Variants in ZPBP observed in about 807,000 individuals in gnomAD.
The protein encoded by ZPBP is zona pellucida-binding protein 1.
A neutral mutation model predicts 44.8 loss-of-function variants in ZPBP; 26 were observed. That is an observed-to-expected ratio of 0.58 (90% CI 0.43 to 0.81). ZPBP has a LOEUF of 0.81. ZPBP is among the 30% of genes least tolerant of loss of function. The pLI, the probability that ZPBP is intolerant of heterozygous loss-of-function variation, is 0.00. For synonymous variants in ZPBP, 174 were observed against 153.2 expected (o/e 1.14, Z -1.00); for missense variants, 409 against 434.0 (o/e 0.94, Z 0.51).
chr7:49,912,432 C>G (rs1337356720), intron 1 of ZPBP: 3 of 394,204 alleles, frequency 7.6e-6, no homozygotes, highest in Non-Finnish European at 1.4e-5. Context: ...ACAGTAAGTA[C>G]ACAAAAGTAC....
chr7:50,012,880 C>T (rs1371644704), intron 6 of ZPBP, among the ~76,000 whole-genome samples: 1 of 148,362 alleles, frequency 6.7e-6, no homozygotes, highest in Non-Finnish European at 1.5e-5. Context: ...TGATAGATTA[C>T]ATAGAAAATC....
chr7:49,877,507 T>TATAGATATATATAG (rs1791485192), intron 2 of ZPBP, among the ~76,000 whole-genome samples: 1 of 90,318 alleles, frequency 1.1e-5, no homozygotes, highest in Non-Finnish European at 2.3e-5. Flanking sequence ...TATATATATA[T>TATAGATATATATAG]ATATATATAT....
At chr7:49,963,047 G>A (rs1032058675) in intron 7 of ZPBP, among the ~76,000 whole-genome samples, 37 of 151,466 alleles carry the variant, frequency 2.4e-4, no homozygotes, top group Non-Finnish European at 1.5e-4. Context: ...AAAGATACAG[G>A]AAAGGATTTG....
intron 5 of ZPBP, among the ~76,000 whole-genome samples, chr7:50,023,424 T>C (rs929834891): frequency 6.6e-6 from 1 of 151,826 alleles, no homozygotes; most frequent in Non-Finnish European, 1.5e-5. Flanking sequence ...TCAAAGACCA[T>C]AGGAAAGACA....
intron 3 of ZPBP, among the ~76,000 whole-genome samples, chr7:50,080,216 G>C: frequency 6.6e-6 from 1 of 151,608 alleles, no homozygotes; most frequent in Admixed American, 6.6e-5. Flanking sequence ...GAAATAAAAA[G>C]TATAGTGTTC....
chr7:49,978,739 TTAAC>T (rs1412593067), intron 7 of ZPBP, among the ~76,000 whole-genome samples: 1 of 152,070 alleles, frequency 6.6e-6, no homozygotes, highest in Non-Finnish European at 1.5e-5. Flanking sequence ...ATTTTGTCTT[TTAAC>T]TAGTGTTATC....
At chr7:49,947,527 T>C (rs916473096) in intron 7 of ZPBP, among the ~76,000 whole-genome samples, 6 of 152,212 alleles carry the variant, frequency 3.9e-5, no homozygotes, top group African/African-American at 1.4e-4. Context: ...AGGCAGAGAC[T>C]CTTGTTCTCT....
intron 7 of ZPBP, chr7:49,944,167 T>A (rs1388572776): frequency 3.3e-6 from 1 of 300,018 alleles, no homozygotes; most frequent in Non-Finnish European, 6.6e-6. Flanking sequence ...GTTTTTGTAA[T>A]CATGACTGCT....
chr7:50,070,729 G>T (rs1801794062), intron 3 of ZPBP, among the ~76,000 whole-genome samples: 1 of 152,206 alleles, frequency 6.6e-6, no homozygotes, highest in South Asian at 2.1e-4. Context: ...GCATTTTGTG[G>T]GGTGGGGGAG....
rs375191635 is a variant in ZPBP at position 49,951,741 on chromosome 7, CA to C, written c.962-14120del. On this transcript the variant is annotated intron_variant, in intron 7 of 7. Transcript: ENST00000046087. ...TGTAATTCCACTCTTGGTATGTACC[CA>C]AAAGAACTCTAAATGGGCACTTAAG... Among the ~76,000 whole-genome samples the C allele has an allele frequency of 1.5e-3, 231 of 151,262 alleles. 3 individuals are homozygous for C. The highest frequency in any genetic ancestry group is 5.4e-3 in the African/African-American group (222 of 41,340).
intron 2 of ZPBP, among the ~76,000 whole-genome samples, chr7:49,897,499 A>T (rs1299184698): frequency 1.3e-5 from 2 of 152,214 alleles, no homozygotes; most frequent in Non-Finnish European, 2.9e-5. Context: ...TCAAACACTG[A>T]TCAATAGAGT....
chr7:49,873,218 A>G (rs929782609), intron 2 of ZPBP, among the ~76,000 whole-genome samples: 23 of 152,218 alleles, frequency 1.5e-4, no homozygotes, highest in African/African-American at 5.5e-4. Flanking sequence ...GATGAAATGT[A>G]GACAACAGAC....
At chr7:50,048,335 G>T (rs1800492346) in intron 4 of ZPBP, among the ~76,000 whole-genome samples, 1 of 151,982 alleles carries the variant, frequency 6.6e-6, no homozygotes, top group South Asian at 2.1e-4. Context: ...GATCAACAAA[G>T]AAATAGAAGA....
intron 1 of ZPBP, chr7:49,916,703 A>G (rs1053282625): frequency 1.3e-5 from 2 of 152,186 alleles, no homozygotes; most frequent in African/African-American, 2.4e-5. Context: ...GTTATTTGCT[A>G]TTCTTGTTTA....
chr7:50,031,137 T>C lies in ZPBP; in HGVS notation c.661A>G (p.Met221Val), dbSNP rs931343939. 1.9e-6 allele frequency: 3 copies of C among 1,613,682 alleles called. No homozygotes were observed. Among genetic ancestry groups the C allele is most frequent in the Non-Finnish European group, 2.5e-6 (3 of 1,179,862 alleles). The change falls in exon 5 of 8, where the codon ATG (methionine) becomes GTG (valine). Residue 221 changes from methionine to valine, a missense_variant. Physicochemically the swap from Met to Val is conservative, Grantham distance 21. Around this residue, in one of 2 missense-constraint regions of ZPBP, gnomAD observed 367 missense variants for 363.1 expected, o/e 1.01. Coordinates refer to ENST00000046087, the MANE Select transcript of ZPBP (RefSeq NM_007009.3). ...LLKSECHRVKMQRAGLQNELF... is the reference protein window; with the variant it reads ...LLKSECHRVKVQRAGLQNELF... ...TCATTTTGCAAACCAGCTCTTTGCATTTTAACGCGATGGCATTCAGACTTA... is the reference window on the plus strand; with the variant it reads ...TCATTTTGCAAACCAGCTCTTTGCACTTTAACGCGATGGCATTCAGACTTA...
intron 7 of ZPBP, among the ~76,000 whole-genome samples, chr7:49,959,781 GA>G (rs199770647): frequency 6.6e-6 from 1 of 151,890 alleles, no homozygotes; most frequent in Non-Finnish European, 1.5e-5. Flanking sequence ...AAAAAACAGG[GA>G]AAAAAGCAAT....
At chr7:50,014,437 T>A (rs1427740628) in intron 6 of ZPBP, among the ~76,000 whole-genome samples, 1 of 151,360 alleles carries the variant, frequency 6.6e-6, no homozygotes, top group Non-Finnish European at 1.5e-5. Context: ...TATATTTATT[T>A]ATCATTTTTT....
intron 6 of ZPBP, among the ~76,000 whole-genome samples, chr7:49,989,528 C>G (rs1490530463): frequency 6.6e-6 from 1 of 152,160 alleles, no homozygotes; most frequent in South Asian, 2.1e-4. Flanking sequence ...AGACTAAAGT[C>G]TATTTTGCAA....
intron 6 of ZPBP, among the ~76,000 whole-genome samples, chr7:49,990,546 C>T (rs1403389466): frequency 6.6e-6 from 1 of 151,828 alleles, no homozygotes; most frequent in African/African-American, 2.4e-5. Flanking sequence ...TGGAATGCAC[C>T]CTGCAACCCT....
Sources: gnomAD v4.1 joint callset for allele counts (sites outside exome capture counted in the v4.1 genomes callset) on GRCh38, gnomAD v4.1.1 for gene constraint, gnomAD v4.1.1 regional missense constraint, MANE v1.5 for transcripts, NCBI Gene and HGNC (gene_info 2026-07-23, HGNC 2026-07-21) for gene names.